Variants in SPATA7 observed in about 807,000 individuals in gnomAD.
The protein encoded by SPATA7 is spermatogenesis-associated protein 7.
SPATA7 carries 43 observed loss-of-function variants against 51.8 expected under a neutral mutation model. The ratio of observed to expected loss-of-function variants is 0.83; its 90% CI spans 0.65 to 1.07. The LOEUF is 1.07. Ranked by LOEUF, SPATA7 falls within the 50% of genes least tolerant of loss-of-function variation. The probability of loss-of-function intolerance (pLI) is 0.00; values close to 1 mark genes in which losing one functional copy is unlikely to be tolerated. For synonymous variants in SPATA7, 230 were observed against 252.8 expected (o/e 0.91, Z 0.86); for missense variants, 683 against 701.3 (o/e 0.97, Z 0.30).
chr14:88,408,751 A>C (rs1348802831), intron 4 of SPATA7, among the ~76,000 whole-genome samples: 1 of 152,172 alleles, frequency 6.6e-6, no homozygotes, highest in South Asian at 2.1e-4. Context: ...GGTTTGTCAT[A>C]AATAGCTCTT....
chr14:88,432,926 A>G (rs578248492), intron 9 of SPATA7: 30 of 530,690 alleles, frequency 5.7e-5, no homozygotes, highest in South Asian at 4.0e-4. Context: ...ATTTTACTCT[A>G]TTAGGTCATC....
At position 88,431,636 on chromosome 14, in the gene SPATA7, A is replaced by G. The variant is rs184886598; in HGVS notation, c.1082+411A>G. 4.6e-5 allele frequency among the ~76,000 whole-genome samples: 7 copies of G among 152,212 alleles called. No individual in the cohort carries two copies. The East Asian group carries it at 1.4e-3, about 29-fold the overall frequency. ...TTCCCGTCTACCCTTCCCAGCCTCC[A>G]GTACCTTCTGTTCTACTTTCTACTT... On this transcript the variant is annotated intron_variant, in intron 9 of 11. Transcript: ENST00000393545.
chr14:88,469,376 G>A lies in SPATA7; in HGVS notation c.255-471G>A, dbSNP rs1268864960. The A allele has an allele frequency of 1.1e-5, 10 of 926,496 alleles. No individual in the cohort carries two copies. The highest frequency in any genetic ancestry group is 1.6e-5 in the Non-Finnish European group (10 of 620,462). The allele number at this position is 926,496 out of a possible 1,614,324, so 57.4% of individuals were successfully genotyped here. A position where few individuals can be genotyped will look rare whatever the true frequency, so the allele number is the denominator to read the frequency against. On this transcript the variant is annotated intron_variant, in intron 4 of 4. Transcript: ENST00000556406. This position sits in a 1 kb window ranked among gnomAD's most constrained non-coding sequence, Gnocchi z 4.3. ...TCCCCAAAACACTTGTATTCTTTAT[G>A]TTAAAACAAGTCCGAAGCTTATATG... is the stretch of plus-strand genomic sequence containing the variant.
intron 3 of SPATA7, among the ~76,000 whole-genome samples, chr14:88,454,793 G>A (rs983698548): frequency 6.6e-5 from 10 of 151,962 alleles, no homozygotes; most frequent in African/African-American, 2.4e-4. Context: ...GGGTGACAGA[G>A]CAAGACCCTA....
At chr14:88,396,645 A>G (rs1300714908) in intron 4 of SPATA7, among the ~76,000 whole-genome samples, 1 of 152,184 alleles carries the variant, frequency 6.6e-6, no homozygotes, top group Non-Finnish European at 1.5e-5. Flanking sequence ...TTCTGTGTAT[A>G]TACCACATTT....
intron 10 of SPATA7, among the ~76,000 whole-genome samples, chr14:88,434,922 A>G (rs1376376630): frequency 1.3e-5 from 2 of 152,200 alleles, no homozygotes; most frequent in African/African-American, 2.4e-5. Context: ...TCATAACTTC[A>G]CTGATGCTAG....
At chr14:88,421,222 G>A (rs1000857104) in intron 5 of SPATA7, among the ~76,000 whole-genome samples, 7 of 152,154 alleles carry the variant, frequency 4.6e-5, no homozygotes, top group African/African-American at 1.7e-4. Context: ...TAGAAGGCCA[G>A]CAGTCTCCTT....
At chr14:88,423,147 A>C (rs917312485) in intron 5 of SPATA7, among the ~76,000 whole-genome samples, 2 of 152,096 alleles carry the variant, frequency 1.3e-5, no homozygotes, top group African/African-American at 4.8e-5. Flanking sequence ...CTACTTAGTC[A>C]ATGCTCCCAT....
At chr14:88,464,030 G>T (rs1047079791) in intron 4 of SPATA7, among the ~76,000 whole-genome samples, 3 of 151,804 alleles carry the variant, frequency 2.0e-5, no homozygotes, top group Non-Finnish European at 4.4e-5. Flanking sequence ...TAGTAGAGAC[G>T]GGGTTTCACC....
At chr14:88,387,705 T>C (rs1466982661) in intron 1 of SPATA7, among the ~76,000 whole-genome samples, 1 of 152,200 alleles carries the variant, frequency 6.6e-6, no homozygotes, top group Non-Finnish European at 1.5e-5. Flanking sequence ...GTAATCTTTG[T>C]TTCCTACTAA....
chr14:88,406,771 C>T (rs971248539), intron 4 of SPATA7: 1 of 152,086 alleles, frequency 6.6e-6, no homozygotes, highest in African/African-American at 2.4e-5. Flanking sequence ...CCCCAGTCCC[C>T]CAACAGGCCC....
intron 1 of SPATA7, among the ~76,000 whole-genome samples, chr14:88,389,505 C>G: frequency 6.6e-6 from 1 of 152,142 alleles, no homozygotes; most frequent in South Asian, 2.1e-4. Context: ...GTGCTCAGCC[C>G]TAATTCTGTC....
At chr14:88,437,712 C>A in intron 11 of SPATA7, 115 bp downstream of exon 11, 2 of 1,340,998 alleles carry the variant, frequency 1.5e-6, no homozygotes, top group Non-Finnish European at 2.1e-6. Context: ...TTCCCTTGAA[C>A]TTTTTTGAGG....
At chr14:88,400,434 C>T (rs1301207929) in intron 4 of SPATA7, among the ~76,000 whole-genome samples, 1 of 152,068 alleles carries the variant, frequency 6.6e-6, no homozygotes, top group Non-Finnish European at 1.5e-5. Context: ...TAAACTAAGC[C>T]CACCTCGGTA....
chr14:88,457,251 G>A (rs1376921005), downstream of SPATA7, among the ~76,000 whole-genome samples: 2 of 151,980 alleles, frequency 1.3e-5, no homozygotes, highest in Non-Finnish European at 2.9e-5. Context: ...GTTTTTTCCA[G>A]TTCTGTGAAG....
intron 4 of SPATA7, among the ~76,000 whole-genome samples, chr14:88,396,907 A>G (rs910300635): frequency 7.2e-4 from 92 of 127,694 alleles, no homozygotes; most frequent in African/African-American, 2.5e-3. Flanking sequence ...GTCTCACTCT[A>G]TTGCCCTGGG....
intron 4 of SPATA7, among the ~76,000 whole-genome samples, chr14:88,463,456 C>T (rs556768136): frequency 6.6e-6 from 1 of 152,254 alleles, no homozygotes; most frequent in Admixed American, 6.5e-5. Flanking sequence ...CACTGCCCGA[C>T]AGGAGTATTT....
At chr14:88,462,402 C>G (rs1439910784) in intron 4 of SPATA7, among the ~76,000 whole-genome samples, 1 of 152,190 alleles carries the variant, frequency 6.6e-6, no homozygotes, top group African/African-American at 2.4e-5. Context: ...CTGTCTAACC[C>G]AGGTAATCAT....
At chr14:88,462,650 C>T (rs2077324958) in intron 4 of SPATA7, among the ~76,000 whole-genome samples, 2 of 152,214 alleles carry the variant, frequency 1.3e-5, no homozygotes, top group Admixed American at 1.3e-4. Context: ...CGCTTGTGTA[C>T]TGCTATATCC....
Sources: allele counts gnomAD v4.1 joint callset (sites outside exome capture counted in the v4.1 genomes callset), GRCh38; gene constraint gnomAD v4.1.1; non-coding constraint Gnocchi (gnomAD v3.1); transcripts MANE v1.5; gene names NCBI Gene and HGNC (gene_info 2026-07-23, HGNC 2026-07-21).